The following SLC12A5 variants were observed in gnomAD, a reference collection of about 807,000 sequenced individuals.
The protein encoded by SLC12A5 is solute carrier family 12 member 5, also known as K-Cl cotransporter 2.
In SLC12A5, 18 loss-of-function variants were observed where a neutral mutation model predicts 124.0. That is an observed-to-expected ratio of 0.15 (90% CI 0.10 to 0.22). The LOEUF (loss-of-function observed/expected upper bound fraction) is 0.22, where lower values mean the gene tolerates loss of function less well. SLC12A5 is among the 10% of genes least tolerant of loss of function. The pLI is 1.00. For synonymous variants in SLC12A5, 589 were observed against 568.0 expected, an observed-to-expected ratio of 1.04 and a Z score of -0.53; for missense variants, 867 against 1,478.7, an observed-to-expected ratio of 0.59 and a Z score of 6.78.
rs1234318533 is a variant in SLC12A5 at position 46,059,992 on chromosome 20, T to G, written c.*2387T>G. ...TTCAGTATGCCGCATCCTGCCTCAG[T>G]ATTGATCTTGTGTTCTTTGTGCCAA... On this transcript the variant is annotated 3_prime_UTR_variant, in exon 26 of 26. Transcript: ENST00000243964. 1 of 202,362 alleles carries G rather than the reference T, an allele frequency of 4.9e-6. No individual in the cohort carries two copies. Among genetic ancestry groups the G allele is most frequent in the Admixed American group, 6.0e-5 (1 of 16,754 alleles). 12.5% of individuals were successfully genotyped at this position (202,362 alleles called of 1,614,324 possible).
chr20:46,031,530 C>T (rs571193949), intron 1 of SLC12A5, among the ~76,000 whole-genome samples: 1 of 152,318 alleles, frequency 6.6e-6, no homozygotes, highest in South Asian at 2.1e-4. Flanking sequence ...TGGTTGCTGA[C>T]CTCGGGCAGG....
downstream of SLC12A5, among the ~76,000 whole-genome samples, chr20:46,024,187 C>T (rs1255536011): frequency 6.7e-6 from 1 of 149,722 alleles, no homozygotes; most frequent in African/African-American, 2.4e-5. Context: ...GGAGGAGCAT[C>T]CCCCATTAGT....
In SLC12A5 at chr20:46,058,338, C is replaced by G; in HGVS notation, c.*733C>G. The G allele has an allele frequency of 2.5e-6, 1 of 397,972 alleles. No individual in the cohort carries two copies. Among genetic ancestry groups the G allele is most frequent in the East Asian group, 3.6e-5 (1 of 28,056 alleles). 24.7% of individuals were successfully genotyped at this position (397,972 alleles called of 1,614,324 possible). A position where few individuals can be genotyped will look rare whatever the true frequency, so the allele number is the denominator to read the frequency against. On this transcript the variant is annotated 3_prime_UTR_variant, in exon 26 of 26. Transcript: ENST00000243964. This position sits in a 1 kb window ranked among gnomAD's most constrained non-coding sequence, Gnocchi z 5.8. ...GGCCTCGTTCCCTCGACACCTCCGT[C>G]CTGCTCTCGCCTCTTCGCCCTTTCC...
Position 46,040,422 on chromosome 20 carries a change from G to A in SLC12A5, c.662G>A (p.Gly221Glu), listed in dbSNP as rs2084535378. ...ATCTTCAAGGCAGAAGATGCCAGTG[G>A]GGAGGCAGCAGCCATGCTGAACAAC... ...MAIFKAEDAS[G>E]EAAAMLNNMR... Residue 221 changes from glycine to glutamate, a missense_variant, in exon 7 of 26, where the codon GGG (glycine) becomes GAG (glutamate). By Grantham distance (98) the Gly-to-Glu change is moderately conservative (BLOSUM62 -2). Around this residue, in one of 9 missense-constraint regions of SLC12A5, gnomAD observed 126 missense variants for 291.6 expected, o/e 0.43. Transcript: ENST00000243964. The A allele has an allele frequency of 6.2e-7, 1 of 1,614,216 alleles. No homozygotes were observed. Among genetic ancestry groups the A allele is most frequent in the Non-Finnish European group, 8.5e-7 (1 of 1,180,042 alleles).
upstream of SLC12A5, among the ~76,000 whole-genome samples, chr20:46,024,374 C>T (rs2084379526): frequency 6.6e-6 from 1 of 152,148 alleles, no homozygotes; most frequent in Admixed American, 6.5e-5. Context: ...TGACTTTTAA[C>T]CTTTTAAGCC....
intron 20 of SLC12A5, among the ~76,000 whole-genome samples, chr20:46,054,068 G>A (rs2084669484): frequency 6.6e-6 from 1 of 152,236 alleles, no homozygotes; most frequent in Non-Finnish European, 1.5e-5. Context: ...TCTGAGAAAT[G>A]TGTTGTGAGG....
chr20:46,038,631 A>G (rs1304971730), intron 6 of SLC12A5, among the ~76,000 whole-genome samples: 2 of 152,226 alleles, frequency 1.3e-5, no homozygotes, highest in Admixed American at 1.3e-4. Flanking sequence ...AAGGGTAGAG[A>G]AGAAAATAAA....
At chr20:46,033,518 A>T (rs1292808185) in intron 1 of SLC12A5, among the ~76,000 whole-genome samples, 1 of 152,104 alleles carries the variant, frequency 6.6e-6, no homozygotes, top group Non-Finnish European at 1.5e-5. Flanking sequence ...CATACTACAC[A>T]TGTTTACATA....
chr20:46,034,543 T>C (rs1046686609), intron 1 of SLC12A5, among the ~76,000 whole-genome samples: 2 of 152,198 alleles, frequency 1.3e-5, no homozygotes, highest in African/African-American at 4.8e-5. Context: ...AGGGGGTCAC[T>C]TCTTCAAGAA....
chr20:46,029,409 C>G lies in SLC12A5; in HGVS notation c.52+13C>G, dbSNP rs1212644121. 4.5e-6 allele frequency: 7 copies of G among 1,547,926 alleles called. No individual in the cohort carries two copies. The East Asian group carries it at 1.5e-4, about 33-fold the overall frequency. On this transcript the variant is annotated intron_variant, in intron 1 of 25. Transcript: ENST00000243964. ...GGAGCCAACCCGGGTAAGCTGTGGT[C>G]CGGGGGCGGCGGGGGAGGGGGCAGC...
At position 46,037,346 on chromosome 20, in the gene SLC12A5, A is replaced by G; in HGVS notation, c.573A>G (p.Ala191=). Residue 191 remains alanine, a synonymous_variant, in exon 6 of 26, where the codon GCA becomes GCG. Coordinates refer to ENST00000243964, the MANE Select transcript of SLC12A5 (RefSeq NM_020708.5). ...GLCFYLGTTF[A]GAMYILGTIE... is the part of the protein sequence containing the mutation. ...GCTTCTACCTGGGCACTACCTTTGCAGGAGCCATGTACATCCTGGGCACCA... is the reference window on the plus strand; with the variant it reads ...GCTTCTACCTGGGCACTACCTTTGCGGGAGCCATGTACATCCTGGGCACCA... 6.2e-7 allele frequency: 1 copy of G among 1,613,098 alleles called. No individual in the cohort carries two copies. Among genetic ancestry groups the G allele is most frequent in the Non-Finnish European group, 8.5e-7 (1 of 1,179,392 alleles).
rs369990409 is a variant in SLC12A5, at chr20:46,051,664, C to A, written c.2182-11C>A. On this transcript the variant is annotated splice_polypyrimidine_tract_variant and intron_variant, in intron 17 of 25. Coordinates refer to ENST00000243964, the MANE Select transcript of SLC12A5 (RefSeq NM_020708.5). ...CCTGAGGCTGGTCCTTGTCTTTTCC[C>A]CCTCCCCTAGTCTATCAGGCGCCTG... 68 of 1,599,310 alleles carry A rather than the reference C, an allele frequency of 4.3e-5. No homozygotes were observed. The highest frequency in any genetic ancestry group is 8.1e-5 in the African/African-American group (6 of 73,930).
At chr20:46,023,456 G>A (rs1256432819) in exon 3 of SLC12A5, 10 of 398,454 alleles carry the variant, frequency 2.5e-5, no homozygotes, top group East Asian at 7.1e-5. Flanking sequence ...TGTCATCATC[G>A]CCCTGCTCCA....
Position 46,045,353 on chromosome 20 carries a change from G to A in SLC12A5, c.1569+213G>A, listed in dbSNP as rs1692630558. 1.3e-5 allele frequency among the ~76,000 whole-genome samples: 2 copies of A among 152,172 alleles called. No homozygotes were observed. Among genetic ancestry groups the A allele is most frequent in the South Asian group, 2.1e-4 (1 of 4,832 alleles). ...GGAGTTGGGCAGGGCATTGGGTGGT[G>A]CCCTGTCTGTGGCTTCTCCTTCACC... On this transcript the variant is annotated intron_variant, in intron 12 of 25. Transcript: ENST00000243964. This position sits in a 1 kb window ranked among gnomAD's most constrained non-coding sequence, Gnocchi z 4.9.
rs1470074754 is a variant in SLC12A5 at position 46,048,517 on chromosome 20, A to C, written c.2012+432A>C. On this transcript the variant is annotated intron_variant, in intron 16 of 25. Coordinates refer to ENST00000243964, the MANE Select transcript of SLC12A5 (RefSeq NM_020708.5). ...GAGACAGGTGGAATCGTTCCCTTTG[A>C]GAGTTATAGGGGCTCTTAGGCATCT... 2.6e-5 allele frequency among the ~76,000 whole-genome samples: 4 copies of C among 152,210 alleles called. No individual in the cohort carries two copies. The East Asian group carries it at 7.7e-4, about 29-fold the overall frequency.
rs757964155 is a variant in SLC12A5, at chr20:46,057,188, G to A, written c.3144G>A (p.Arg1048=). The A allele has an allele frequency of 6.2e-7, 1 of 1,614,218 alleles. No homozygotes were observed. Among genetic ancestry groups the A allele is most frequent in the South Asian group, 1.1e-5 (1 of 91,084 alleles). The change falls in exon 25 of 26, where the codon CGG becomes CGA. Residue 1048 remains arginine (R), a synonymous_variant. Transcript: ENST00000243964. The surrounding 1 kb of genome is among the most constrained non-coding windows in gnomAD (Gnocchi z 7.1). Reference sequence around the variant, plus strand: ...GCCGCAGGAACCAGTCCAACGTGCGGCGCATGCACACGGCCGTGCGGCTGA... The same window carrying A: ...GCCGCAGGAACCAGTCCAACGTGCGACGCATGCACACGGCCGTGCGGCTGA... ...EWENLNQSNV[R]RMHTAVRLNE... is the part of the protein sequence containing the mutation.
chr20:46,041,847 G>T lies in SLC12A5; in HGVS notation c.1066+307G>T, dbSNP rs112302452. Among the ~76,000 whole-genome samples the T allele has an allele frequency of 1.4e-4, 21 of 152,220 alleles. 3 individuals carry two copies. Among genetic ancestry groups the T allele is most frequent in the African/African-American group, 4.6e-4 (19 of 41,528 alleles). On this transcript the variant is annotated intron_variant, in intron 8 of 25. Transcript: ENST00000243964. Reference sequence around the variant, plus strand: ...ATAAGCCACAGTTCCTGGCCTCAAGGAGACTAATGGCAGAAATAGATGTAA... The same window carrying T: ...ATAAGCCACAGTTCCTGGCCTCAAGTAGACTAATGGCAGAAATAGATGTAA...
intron 1 of SLC12A5, among the ~76,000 whole-genome samples, chr20:46,030,057 G>A (rs1345280287): frequency 1.3e-5 from 2 of 151,972 alleles, no homozygotes; most frequent in East Asian, 1.9e-4. Context: ...CCCAAGGTCC[G>A]ACCTCAGACT....
chr20:46,028,422 C>T (rs549270617), upstream of SLC12A5, among the ~76,000 whole-genome samples: 16 of 152,168 alleles, frequency 1.1e-4, 1 homozygote, highest in South Asian at 2.1e-3. Flanking sequence ...TAGATCAGTC[C>T]GCAGTCAGAA....
Sources: allele counts gnomAD v4.1 joint callset (sites outside exome capture counted in the v4.1 genomes callset), GRCh38; gene constraint gnomAD v4.1.1; regional missense constraint gnomAD v4.1.1; non-coding constraint Gnocchi (gnomAD v3.1); transcripts MANE v1.5; gene names NCBI Gene and HGNC (gene_info 2026-07-23, HGNC 2026-07-21).